The following PSD variants were observed in gnomAD, a reference collection of about 807,000 sequenced individuals.
PSD encodes the protein pleckstrin and Sec7 domain containing.
In PSD, 32 loss-of-function variants were observed where a neutral mutation model predicts 91.6. That is an observed-to-expected ratio of 0.35 (90% CI 0.26 to 0.47). The LOEUF (loss-of-function observed/expected upper bound fraction) is 0.47. PSD is among the 20% of genes least tolerant of loss of function. The pLI, the probability that PSD is intolerant of heterozygous loss-of-function variation, is 1.00. For missense variants in PSD, 1,099 were observed against 1,373.9 expected (o/e 0.80, Z 3.16); for synonymous variants, 532 against 569.3 (o/e 0.93, Z 0.93).
chr10:102,411,789 A>T lies in PSD; in HGVS notation c.1860T>A (p.Gly620=). 6.2e-7 allele frequency: 1 copy of T among 1,613,182 alleles called. No homozygotes were observed. Among genetic ancestry groups the T allele is most frequent in the Non-Finnish European group, 8.5e-7 (1 of 1,179,554 alleles). The part of the protein sequence containing the change: ...RVFLKELALM[G]ETQERERVLA... Reference sequence around the variant, plus strand: ...GCACGCGCTCTCGTTCCTGGGTCTCACCCATTAAGGCCAGCTCCTTCAGAA... The same window carrying T: ...GCACGCGCTCTCGTTCCTGGGTCTCTCCCATTAAGGCCAGCTCCTTCAGAA... Residue 620 remains glycine (G), a synonymous_variant, in exon 8 of 17, where the codon GGT becomes GGA. Transcript: ENST00000020673.
Position 102,412,143 on chromosome 10 carries a change from C to A in PSD, c.1829+4G>T. 6.2e-7 allele frequency: 1 copy of A among 1,613,918 alleles called. No individual in the cohort carries two copies. The highest frequency in any genetic ancestry group is 8.5e-7 in the Non-Finnish European group (1 of 1,179,856). On this transcript the variant is annotated splice_donor_region_variant and intron_variant, in intron 7 of 16. Coordinates refer to ENST00000020673, the MANE Select transcript of PSD (RefSeq NM_002779.5). ...GGGCTGTCCTCCAAGGGGTCAACAC[C>A]CACCTGAGAGCTTGGTCCAGAGTCA...
chr10:102,404,777 C>T lies in PSD; in HGVS notation c.2556-50G>A, dbSNP rs765520491. The T allele has an allele frequency of 1.9e-6, 3 of 1,555,094 alleles. No homozygotes were observed. The highest frequency in any genetic ancestry group is 2.6e-6 in the Non-Finnish European group (3 of 1,149,460). The stretch of plus-strand genomic sequence containing the variant: ...GGACCTGGGCCCAGGGTTTCTGTCC[C>T]AGGATGCCAGTCCTGGCTCAAGTGT... On this transcript the variant is annotated intron_variant, in intron 14 of 16. Transcript: ENST00000020673. This position sits in a 1 kb window ranked among gnomAD's most constrained non-coding sequence, Gnocchi z 5.7.
At chr10:102,419,730 A>G, upstream of PSD, 1 of 166,178 alleles carries the variant, frequency 6.0e-6, no homozygotes, top group South Asian at 1.0e-4. This position sits in a 1 kb window ranked among gnomAD's most constrained non-coding sequence, Gnocchi z 4.8. Flanking sequence ...GCGCAGGCGC[A>G]GAGGCGCGAA....
chr10:102,404,141 G>A lies in PSD; in HGVS notation c.2701-156C>T, dbSNP rs1027412372. On this transcript the variant is annotated intron_variant, in intron 15 of 16. Coordinates refer to ENST00000020673, the MANE Select transcript of PSD (RefSeq NM_002779.5). The surrounding 1 kb of genome is among the most constrained non-coding windows in gnomAD (Gnocchi z 5.7). ...AGGCGGGCGGATCACGAGGTCAGGA[G>A]ATCGAGACCATCCTGGCTAACACGG... is the stretch of plus-strand genomic sequence containing the variant. Among the ~76,000 whole-genome samples the A allele has an allele frequency of 6.6e-6, 1 of 152,206 alleles. No homozygotes were observed. Among genetic ancestry groups the A allele is most frequent in the African/African-American group, 2.4e-5 (1 of 41,446 alleles).
At chr10:102,408,767 T>A in intron 10 of PSD, 5 of 341,314 alleles carry the variant, frequency 1.5e-5, no homozygotes, top group Non-Finnish European at 2.0e-5. Flanking sequence ...CGTGCCCGCC[T>A]CTGGCTGCCC....
Position 102,410,777 on chromosome 10 carries a change from T to G in PSD, c.2091+81A>C. On this transcript the variant is annotated intron_variant, in intron 10 of 16. Coordinates refer to ENST00000020673, the MANE Select transcript of PSD (RefSeq NM_002779.5). This position sits in a 1 kb window ranked among gnomAD's most constrained non-coding sequence, Gnocchi z 6.0. ...GGGTCGGCAAGCCCCAGCCCTGCCC[T>G]CCCTCCGACTCTGGACTCCGTCGCC... The G allele has an allele frequency of 5.8e-6, 4 of 692,958 alleles. No individual in the cohort carries two copies. The highest frequency in any genetic ancestry group is 1.0e-5 in the Non-Finnish European group (4 of 394,216). The allele number at this position is 692,958 out of a possible 1,614,324, so 42.9% of individuals were successfully genotyped here.
chr10:102,412,615 C>G, intron 5 of PSD, 40 bp from the exon 6 acceptor site: 1 of 1,564,172 alleles, frequency 6.4e-7, no homozygotes, highest in Non-Finnish European at 8.7e-7. Context: ...GGGCAGGGTC[C>G]TTAGGAGCCA....
Position 102,410,796 on chromosome 10 carries a change from C to A in PSD, c.2091+62G>T, listed in dbSNP as rs2061417512. On this transcript the variant is annotated intron_variant, in intron 10 of 16. Transcript: ENST00000020673. This position sits in a 1 kb window ranked among gnomAD's most constrained non-coding sequence, Gnocchi z 6.0. ...CTGCCCTCCCTCCGACTCTGGACTC[C>A]GTCGCCGACTGGGTCCTCCATCCTT... 1 of 1,301,526 alleles carries A rather than the reference C, an allele frequency of 7.7e-7. No homozygotes were observed. 80.6% of individuals were successfully genotyped at this position (1,301,526 alleles called of 1,614,324 possible).
rs1346916538 is a variant in PSD, at chr10:102,404,120, G to A, written c.2701-135C>T. On this transcript the variant is annotated intron_variant, in intron 15 of 16. Transcript: ENST00000020673. This position sits in a 1 kb window ranked among gnomAD's most constrained non-coding sequence, Gnocchi z 5.7. ...TCCCAGCACTTTGGGAGGCCAAGGC[G>A]GGCGGATCACGAGGTCAGGAGATCG... 35 of 1,089,926 alleles carry A rather than the reference G, an allele frequency of 3.2e-5. No homozygotes were observed. The highest frequency in any genetic ancestry group is 1.7e-4 in the South Asian group (9 of 53,870). 67.5% of individuals were successfully genotyped at this position (1,089,926 alleles called of 1,614,324 possible).
intron 10 of PSD, chr10:102,408,779 T>A: frequency 2.2e-6 from 1 of 462,668 alleles, no homozygotes; most frequent in Non-Finnish European, 2.8e-6. Flanking sequence ...TGGCTGCCCA[T>A]GACCTCTGTC....
intron 1 of PSD, among the ~76,000 whole-genome samples, chr10:102,418,393 A>ATACACATACAGATG (rs941669676): frequency 2.5e-4 from 38 of 152,110 alleles, no homozygotes; most frequent in African/African-American, 7.7e-4. Flanking sequence ...TCACAGTCAC[A>ATACACATACAGATG]TACACATACA....
At position 102,403,910 on chromosome 10, in the gene PSD, G is replaced by T. The variant is rs1368028456; in HGVS notation, c.2776C>A (p.Leu926Met). The T allele has an allele frequency of 5.0e-6, 8 of 1,600,542 alleles. No homozygotes were observed. Among genetic ancestry groups the T allele is most frequent in the Non-Finnish European group, 6.0e-6 (7 of 1,173,546 alleles). Reference sequence around the variant, plus strand: ...TCCTTGCCCCGGCCCTTCTTGCCCAGCTGGGCGGCCCGGTGCTCCCGCAGC... The same window carrying T: ...TCCTTGCCCCGGCCCTTCTTGCCCATCTGGGCGGCCCGGTGCTCCCGCAGC... ...SELREHRAAQ[L>M]GKKGRGKEAE... The change falls in exon 16 of 17, where the codon CTG becomes ATG. Residue 926 changes from leucine to methionine, a missense_variant. By Grantham distance (15) the Leu-to-Met change is conservative. Coordinates refer to ENST00000020673, the MANE Select transcript of PSD (RefSeq NM_002779.5). This position sits in a 1 kb window ranked among gnomAD's most constrained non-coding sequence, Gnocchi z 6.7.
At chr10:102,412,672 G>T in intron 5 of PSD, 97 bp from the exon 6 acceptor site, 1 of 1,020,026 alleles carries the variant, frequency 9.8e-7, no homozygotes, top group Non-Finnish European at 1.4e-6. Flanking sequence ...GAGAAGGGGA[G>T]GGAGTGGAGG....
chr10:102,403,388 G>A lies in PSD; in HGVS notation c.2887C>T (p.Leu963=). The A allele has an allele frequency of 6.2e-7, 1 of 1,613,578 alleles. No homozygotes were observed. Among genetic ancestry groups the A allele is most frequent in the Non-Finnish European group, 8.5e-7 (1 of 1,179,998 alleles). ...TCCAGCTCCTCACTGCCTGCCTTCA[G>A]CTTGACCCGAAGCAGCGCTGCATAG... ...STYAALLRVK[L]KAGSEELDAV... Residue 963 remains leucine (L), a synonymous_variant, in exon 17 of 17, where the codon CTG becomes TTG. Transcript: ENST00000020673. This position sits in a 1 kb window ranked among gnomAD's most constrained non-coding sequence, Gnocchi z 6.7.
rs377243409 is a variant in PSD, at chr10:102,403,196, C to T, written c.*4G>A. 26 of 1,545,862 alleles carry T rather than the reference C, an allele frequency of 1.7e-5. No individual in the cohort carries two copies. In the African/African-American group the frequency reaches 2.2e-4, roughly 13 times the overall value. ...AGCAGGCACTCCCCACCCTAAACCT[C>T]ATCTCAGGGCTTCCGCCGCCCACTG... On this transcript the variant is annotated 3_prime_UTR_variant, in exon 17 of 17. Transcript: ENST00000020673. This position sits in a 1 kb window ranked among gnomAD's most constrained non-coding sequence, Gnocchi z 6.7.
chr10:102,417,066 G>A lies in PSD; in HGVS notation c.-28C>T, dbSNP rs1369598820. 3.0e-6 allele frequency: 4 copies of A among 1,348,090 alleles called. No homozygotes were observed. The highest frequency in any genetic ancestry group is 5.0e-5 in the East Asian group (2 of 39,764). The allele number at this position is 1,348,090 out of a possible 1,614,324, so 83.5% of individuals were successfully genotyped here. ...TGGGGCCGGGGGTCAGGCTGGGGGG[G>A]CAGGGATGGCGAGGCCAGGCGGGGA... On this transcript the variant is annotated 5_prime_UTR_variant, in exon 2 of 17. Transcript: ENST00000020673.
intron 7 of PSD, 129 bp downstream of exon 7, chr10:102,412,018 G>T: frequency 8.7e-7 from 1 of 1,153,752 alleles, no homozygotes; most frequent in Non-Finnish European, 1.3e-6. Flanking sequence ...CCTTGGCCAT[G>T]CCCAGCCATC....
chr10:102,411,523 G>A (rs2061424608), intron 8 of PSD, among the ~76,000 whole-genome samples, 184 bp downstream of exon 8: 1 of 152,218 alleles, frequency 6.6e-6, no homozygotes, highest in South Asian at 2.1e-4. Context: ...CTGCCCACAT[G>A]TATAGTTCCA....
intron 3 of PSD, among the ~76,000 whole-genome samples, 166 bp from the exon 4 acceptor site, chr10:102,415,395 AG>A (rs2061467730): frequency 6.6e-6 from 1 of 152,164 alleles, no homozygotes; most frequent in Non-Finnish European, 1.5e-5. Flanking sequence ...GTGCCAGTGG[AG>A]CTCATTTTAA....
Sources: gnomAD v4.1 joint callset for allele counts (sites outside exome capture counted in the v4.1 genomes callset) on GRCh38, gnomAD v4.1.1 for gene constraint, Gnocchi (gnomAD v3.1) non-coding constraint, MANE v1.5 for transcripts, NCBI Gene and HGNC (gene_info 2026-07-23, HGNC 2026-07-21) for gene names.